The following SAMMSON variants were observed in gnomAD, a reference collection of about 807,000 sequenced individuals.
SAMMSON encodes long intergenic non-protein coding RNA 1212.
At chr3:70,421,036 T>C (rs1701307904) in intron 2 of SAMMSON, among the ~76,000 whole-genome samples, 1 of 152,178 alleles carries the variant, frequency 6.6e-6, no homozygotes, top group African/African-American at 2.4e-5. Context: ...CTTTCATTTA[T>C]GTCTAAAGGC....
chr3:70,227,149 G>A (rs935551794), intron 4 of SAMMSON, among the ~76,000 whole-genome samples: 3 of 152,120 alleles, frequency 2.0e-5, no homozygotes, highest in African/African-American at 7.2e-5. Flanking sequence ...GGTTAAAGCA[G>A]GACTACAACA....
intron 6 of SAMMSON, among the ~76,000 whole-genome samples, chr3:70,281,692 T>C (rs1359947248): frequency 6.6e-6 from 1 of 152,178 alleles, no homozygotes; most frequent in Non-Finnish European, 1.5e-5. Context: ...TCACCATCAT[T>C]GCTTTTTGCC....
chr3:70,282,989 A>C (rs2106683652), intron 6 of SAMMSON, among the ~76,000 whole-genome samples: 1 of 152,314 alleles, frequency 6.6e-6, no homozygotes, highest in Non-Finnish European at 1.5e-5. Flanking sequence ...AATAAGAAAA[A>C]AATGGAGCAG....
At chr3:70,419,824 G>C (rs1436458924) in intron 2 of SAMMSON, among the ~76,000 whole-genome samples, 1 of 152,102 alleles carries the variant, frequency 6.6e-6, no homozygotes, top group Non-Finnish European at 1.5e-5. Flanking sequence ...ATTTTCAGTA[G>C]AGATGGGGTT....
chr3:70,073,616 G>A (rs181335593), intron 4 of SAMMSON, among the ~76,000 whole-genome samples: 22 of 151,574 alleles, frequency 1.5e-4, no homozygotes, highest in South Asian at 6.3e-4. Context: ...CCTCTTCACC[G>A]TCTCTTTTCC....
chr3:70,381,665 T>C (rs1310312277), intron 9 of SAMMSON, among the ~76,000 whole-genome samples: 1 of 151,990 alleles, frequency 6.6e-6, no homozygotes, highest in Non-Finnish European at 1.5e-5. Context: ...ATGAACAGAT[T>C]GCAGGAAGTA....
intron 4 of SAMMSON, among the ~76,000 whole-genome samples, chr3:70,079,071 G>A (rs370198552): frequency 8.5e-5 from 13 of 152,236 alleles, no homozygotes; most frequent in South Asian, 4.1e-4. Flanking sequence ...AACAGAGACC[G>A]CAAAGCAGAA....
chr3:70,239,034 A>G (rs1701639462), intron 4 of SAMMSON, among the ~76,000 whole-genome samples: 1 of 152,324 alleles, frequency 6.6e-6, no homozygotes, highest in Middle Eastern at 3.4e-3. Flanking sequence ...AAAATGATCT[A>G]CAAAAATGGC....
chr3:70,271,101 G>A (rs894438446), intron 6 of SAMMSON, among the ~76,000 whole-genome samples: 5 of 152,100 alleles, frequency 3.3e-5, no homozygotes, highest in South Asian at 2.1e-4. Context: ...ATCGAAGCTG[G>A]GAAGTTGTAT....
At chr3:70,367,593 A>C (rs954618191) in intron 9 of SAMMSON, among the ~76,000 whole-genome samples, 1 of 151,634 alleles carries the variant, frequency 6.6e-6, no homozygotes, top group Non-Finnish European at 1.5e-5. Flanking sequence ...TCCATTTTGC[A>C]TGTATACTAC....
intron 4 of SAMMSON, among the ~76,000 whole-genome samples, chr3:70,213,365 A>T (rs191838896): frequency 6.6e-6 from 1 of 152,248 alleles, no homozygotes; most frequent in African/African-American, 2.4e-5. Flanking sequence ...ATTAGATAAG[A>T]CTTTAAGGTA....
intron 4 of SAMMSON, among the ~76,000 whole-genome samples, chr3:70,106,454 C>T (rs1295388677): frequency 2.0e-5 from 3 of 151,718 alleles, no homozygotes; most frequent in Admixed American, 6.6e-5. Context: ...AATCCTCACA[C>T]CCCAGCCTCC....
intron 9 of SAMMSON, among the ~76,000 whole-genome samples, chr3:70,384,691 C>G (rs1409564105): frequency 6.6e-6 from 1 of 152,068 alleles, no homozygotes; most frequent in African/African-American, 2.4e-5. Flanking sequence ...AGGTCAGATG[C>G]AAAGTTCACC....
intron 7 of SAMMSON, among the ~76,000 whole-genome samples, chr3:70,331,937 CAATT>C (rs1247353473): frequency 2.6e-5 from 4 of 152,196 alleles, no homozygotes; most frequent in Non-Finnish European, 1.5e-5. Flanking sequence ...AGTAACTTCA[CAATT>C]AAATTACTAT....
chr3:70,308,333 A>C (rs1702422474), intron 7 of SAMMSON, among the ~76,000 whole-genome samples: 1 of 152,086 alleles, frequency 6.6e-6, no homozygotes, highest in Non-Finnish European at 1.5e-5. Flanking sequence ...CTGAGATTAT[A>C]GGCATGAGTC....
chr3:70,401,874 T>G (rs1701144163), intron 2 of SAMMSON, among the ~76,000 whole-genome samples: 1 of 152,206 alleles, frequency 6.6e-6, no homozygotes, highest in Non-Finnish European at 1.5e-5. Flanking sequence ...GAGCAAACAT[T>G]TACAAGGTTC....
chr3:70,245,911 G>A (rs982339394), intron 4 of SAMMSON, among the ~76,000 whole-genome samples: 3 of 151,176 alleles, frequency 2.0e-5, no homozygotes, highest in African/African-American at 7.3e-5. Context: ...TTTGTTATTA[G>A]CATAGGCATA....
chr3:70,350,870 A>G (rs2106734607), intron 7 of SAMMSON, among the ~76,000 whole-genome samples: 1 of 152,246 alleles, frequency 6.6e-6, no homozygotes, highest in Non-Finnish European at 1.5e-5. Context: ...TTGAGTTGAG[A>G]CTTAAATGAT....
At position 70,211,144 on chromosome 3, in the gene SAMMSON, T is replaced by G. The variant is rs141527826; in HGVS notation, n.508-37963T>G. ...GTACTAGGTCCTCTGATTCTATTCTTGTTTCTTCCTTTCTTTTCCCATTTT... is the reference window on the plus strand; with the variant it reads ...GTACTAGGTCCTCTGATTCTATTCTGGTTTCTTCCTTTCTTTTCCCATTTT... On this transcript the variant is annotated intron_variant and non_coding_transcript_variant, in intron 4 of 9. Transcript: ENST00000642114. 6.5e-3 allele frequency among the ~76,000 whole-genome samples: 997 copies of G among 152,222 alleles called. 6 individuals are homozygous for G. The highest frequency in any genetic ancestry group is 0.023 in the African/African-American group (950 of 41,558).
Sources: allele counts gnomAD v4.1 joint callset (sites outside exome capture counted in the v4.1 genomes callset), GRCh38; gene constraint gnomAD v4.1.1; transcripts MANE v1.5; gene names NCBI Gene and HGNC (gene_info 2026-07-23, HGNC 2026-07-21).